The following NGLY1 variants were observed in gnomAD, a reference collection of about 807,000 sequenced individuals.
The protein encoded by NGLY1 is N-glycanase 1, also known as peptide-N(4)-(N-acetyl-beta-glucosaminyl)asparagine amidase.
NGLY1 carries 68 observed loss-of-function variants against 84.6 expected under a neutral mutation model. The observed-to-expected ratio is 0.80, with a 90% CI of 0.66 to 0.98. The LOEUF (loss-of-function observed/expected upper bound fraction) is 0.98. Among genes scored for constraint, NGLY1 ranks in the 50% least tolerant of loss-of-function variants. The probability of loss-of-function intolerance (pLI) is 0.00; values close to 1 mark genes in which losing one functional copy is unlikely to be tolerated. For synonymous variants in NGLY1, 280 were observed against 275.2 expected (o/e 1.02, Z -0.17); for missense variants, 779 against 770.2 (o/e 1.01, Z -0.14).
At chr3:25,739,341 G>A (rs1462552006) in intron 5 of NGLY1, among the ~76,000 whole-genome samples, 10 of 152,150 alleles carry the variant, frequency 6.6e-5, no homozygotes, top group African/African-American at 2.4e-4. Flanking sequence ...AACTCTGCTT[G>A]TTGCAGCATA....
At chr3:25,722,414 A>G (rs1244685313) in intron 10 of NGLY1, among the ~76,000 whole-genome samples, 1 of 152,092 alleles carries the variant, frequency 6.6e-6, no homozygotes, top group Non-Finnish European at 1.5e-5. Flanking sequence ...ACTATTCTGT[A>G]TTCTGGTCTT....
chr3:25,760,197 T>C (rs1707240458), intron 3 of NGLY1, among the ~76,000 whole-genome samples: 1 of 152,150 alleles, frequency 6.6e-6, no homozygotes, highest in Non-Finnish European at 1.5e-5. Flanking sequence ...CATAATTTCA[T>C]CACTCAGAGT....
chr3:25,754,913 T>G, intron 3 of NGLY1: 1 of 700,086 alleles, frequency 1.4e-6, no homozygotes, highest in South Asian at 1.7e-5. Flanking sequence ...GGATAACGAG[T>G]GGCTGGATAA....
At chr3:25,742,422 C>G (rs1354625564) in intron 4 of NGLY1, among the ~76,000 whole-genome samples, 1 of 151,992 alleles carries the variant, frequency 6.6e-6, no homozygotes, top group Non-Finnish European at 1.5e-5. Context: ...CACCAAGGAG[C>G]TGAATATATA....
At chr3:25,742,045 G>C (rs906223793) in intron 4 of NGLY1, among the ~76,000 whole-genome samples, 1 of 151,980 alleles carries the variant, frequency 6.6e-6, no homozygotes, top group African/African-American at 2.4e-5. Context: ...CTATAAATCA[G>C]TAAGAACATT....
chr3:25,761,116 A>C (rs1559550109), intron 3 of NGLY1, among the ~76,000 whole-genome samples: 1 of 152,176 alleles, frequency 6.6e-6, no homozygotes, highest in South Asian at 2.1e-4. Context: ...ATAAACTGGC[A>C]GTAATTTCTA....
chr3:25,767,769 G>A (rs2125298244), intron 2 of NGLY1, among the ~76,000 whole-genome samples: 1 of 152,230 alleles, frequency 6.6e-6, no homozygotes, highest in South Asian at 2.1e-4. Context: ...ATATGCAGAG[G>A]AATGAAACCA....
chr3:25,745,345 C>T (rs1706367009), intron 4 of NGLY1, among the ~76,000 whole-genome samples: 2 of 152,178 alleles, frequency 1.3e-5, no homozygotes, highest in Admixed American at 6.5e-5. Context: ...ACCCTGTCCT[C>T]TCAATTTTAG....
intron 1 of NGLY1, among the ~76,000 whole-genome samples, chr3:25,778,951 T>C (rs1007527332): frequency 6.2e-5 from 6 of 96,382 alleles, no homozygotes; most frequent in African/African-American, 1.8e-4. Flanking sequence ...TTTTTTTTTT[T>C]TGAGAGAGGG....
At chr3:25,727,065 C>G (rs1686815106) in intron 10 of NGLY1, among the ~76,000 whole-genome samples, 1 of 152,128 alleles carries the variant, frequency 6.6e-6, no homozygotes, top group Non-Finnish European at 1.5e-5. Flanking sequence ...GTTTACTATT[C>G]AACAGAGCTA....
chr3:25,759,782 TC>T (rs1173629523), intron 3 of NGLY1, among the ~76,000 whole-genome samples: 2 of 152,280 alleles, frequency 1.3e-5, no homozygotes, highest in African/African-American at 2.4e-5. Flanking sequence ...TAATCATACT[TC>T]CAATTATTTT....
intron 4 of NGLY1, chr3:25,749,882 G>C: frequency 1.2e-6 from 1 of 846,500 alleles, no homozygotes; most frequent in Admixed American, 1.8e-5. Flanking sequence ...GCTGCACAGC[G>C]AAGAAAATGA....
At chr3:25,738,380 C>T (rs1315934893) in intron 5 of NGLY1, among the ~76,000 whole-genome samples, 1 of 151,966 alleles carries the variant, frequency 6.6e-6, no homozygotes, top group Non-Finnish European at 1.5e-5. Context: ...GAAGTTACTC[C>T]AATTATAAAA....
chr3:25,773,189 G>C (rs2125310184), intron 2 of NGLY1, among the ~76,000 whole-genome samples: 1 of 151,796 alleles, frequency 6.6e-6, no homozygotes, highest in Non-Finnish European at 1.5e-5. Context: ...AGGAAGGCCA[G>C]AGAAGTTTTC....
At chr3:25,788,398 G>A (rs1708648815), upstream of NGLY1, among the ~76,000 whole-genome samples, 1 of 152,154 alleles carries the variant, frequency 6.6e-6, no homozygotes, top group Non-Finnish European at 1.5e-5. Context: ...CCCATTTGAA[G>A]ATTTTGGTGC....
chr3:25,772,789 T>G (rs1009852444), intron 2 of NGLY1, among the ~76,000 whole-genome samples: 1 of 152,232 alleles, frequency 6.6e-6, no homozygotes, highest in African/African-American at 2.4e-5. Flanking sequence ...TTTCAATATT[T>G]AGAGCTCCTT....
intron 10 of NGLY1, among the ~76,000 whole-genome samples, chr3:25,723,080 A>ATTTG (rs1199907287): frequency 2.0e-5 from 3 of 152,182 alleles, no homozygotes; most frequent in African/African-American, 7.2e-5. Flanking sequence ...TGTCCCTCAA[A>ATTTG]AGTGTGGGTA....
intron 11 of NGLY1, 48 bp downstream of exon 11, chr3:25,719,966 G>C (rs370200417): frequency 3.3e-5 from 50 of 1,492,582 alleles, no homozygotes; most frequent in Non-Finnish European, 4.2e-5. Flanking sequence ...TTAGTCTTCA[G>C]AGTGGTAAAT....
chr3:25,727,490 TGTC>T (rs1248253119), intron 10 of NGLY1, among the ~76,000 whole-genome samples: 2 of 152,176 alleles, frequency 1.3e-5, no homozygotes, highest in African/African-American at 2.4e-5. Flanking sequence ...CCAGCTCAAA[TGTC>T]GTCTGCTCAG....
Sources: allele counts gnomAD v4.1 joint callset (sites outside exome capture counted in the v4.1 genomes callset), GRCh38; gene constraint gnomAD v4.1.1; transcripts MANE v1.5; gene names NCBI Gene and HGNC (gene_info 2026-07-23, HGNC 2026-07-21).